Variants in ARHGAP23 observed in about 807,000 individuals in gnomAD.
The protein encoded by ARHGAP23 is Rho GTPase activating protein 23.
Under a neutral mutation model 136.3 loss-of-function variants are expected in ARHGAP23, and 34 were observed. That is an observed-to-expected ratio of 0.25 (90% CI 0.19 to 0.33). The LOEUF (loss-of-function observed/expected upper bound fraction) is 0.33. Among genes scored for constraint, ARHGAP23 ranks in the 10% least tolerant of loss-of-function variants. ARHGAP23 has a pLI of 1.00. For synonymous variants in ARHGAP23, 832 were observed against 920.5 expected (o/e 0.90, Z 1.74); for missense variants, 1,808 against 2,139.0 (o/e 0.85, Z 3.05).
intron 20 of ARHGAP23, among the ~76,000 whole-genome samples, chr17:38,495,737 G>A (rs577522787): frequency 1.3e-5 from 2 of 152,180 alleles, no homozygotes; most frequent in Non-Finnish European, 2.9e-5. Context: ...GCTAATATGT[G>A]TCCTTCCAGG....
intron 1 of ARHGAP23, among the ~76,000 whole-genome samples, chr17:38,439,838 G>A (rs1222938110): frequency 1.3e-5 from 2 of 151,250 alleles, no homozygotes; most frequent in African/African-American, 2.4e-5. Flanking sequence ...GCGGTGGCGC[G>A]ATCTTGGCTC....
At position 38,510,464 on chromosome 17, in the gene ARHGAP23, T is replaced by C. The variant is rs1372308977; in HGVS notation, c.3968T>C (p.Leu1323Pro). The C allele has an allele frequency of 5.0e-6, 6 of 1,203,990 alleles. No homozygotes were observed. Among genetic ancestry groups the C allele is most frequent in the Non-Finnish European group, 6.2e-6 (6 of 970,918 alleles). The allele number at this position is 1,203,990 out of a possible 1,614,324, so 74.6% of individuals were successfully genotyped here. Residue 1323 changes from leucine to proline, a missense_variant, in exon 24 of 24, where the codon CTG (leucine) becomes CCG (proline). Physicochemically the swap from Leu to Pro is moderately conservative, Grantham distance 98 (BLOSUM62 -3). This residue lies in a region of ARHGAP23 where 506 missense variants were observed against 455.8 expected (regional missense o/e 1.11). Transcript: ENST00000622683. The surrounding 1 kb of genome is among the most constrained non-coding windows in gnomAD (Gnocchi z 4.6). ...TGCGACACTCTGGCGCGCCGCCGCC[T>C]GGCCCGGGGCCGCCCAGACGGCGAG... ...MPCDTLARRR[L>P]ARGRPDGEGA... is the part of the protein sequence containing the mutation.
chr17:38,471,922 C>T lies in ARHGAP23; in HGVS notation c.2034C>T (p.Thr678=). 1.3e-6 allele frequency: 2 copies of T among 1,549,580 alleles called. No individual in the cohort carries two copies. Among genetic ancestry groups the T allele is most frequent in the Non-Finnish European group, 1.7e-6 (2 of 1,146,784 alleles). ...DADAPSKRHS[T]SDLSDATFSD... ...ACGCTCCTTCTAAGCGACACTCAAC[C>T]TCTGACCTCTCAGATGCGACCTTCA... Residue 678 remains threonine (T), a synonymous_variant, in exon 11 of 24, where the codon ACC becomes ACT. Coordinates refer to ENST00000622683, the MANE Select transcript of ARHGAP23 (RefSeq NM_001199417.2).
At chr17:38,465,834 G>A (rs528134944) in intron 6 of ARHGAP23, among the ~76,000 whole-genome samples, 1 of 152,260 alleles carries the variant, frequency 6.6e-6, no homozygotes, top group South Asian at 2.1e-4. Flanking sequence ...TGGACATAAG[G>A]GGGCAGGCAG....
At chr17:38,509,766 T>C (rs945985103) in intron 23 of ARHGAP23, among the ~76,000 whole-genome samples, 178 bp from the exon 24 acceptor site, 3 of 152,054 alleles carry the variant, frequency 2.0e-5, no homozygotes, top group South Asian at 2.1e-4. Context: ...GGGTAGTCTC[T>C]GGACGGAGGG....
Position 38,467,041 on chromosome 17 carries a change from A to G in ARHGAP23, c.1358A>G (p.Gln453Arg), listed in dbSNP as rs1343046181. 3.2e-6 allele frequency: 5 copies of G among 1,550,798 alleles called. No individual in the cohort carries two copies. In the African/African-American group the frequency reaches 5.5e-5, roughly 17 times the overall value. The change falls in exon 7 of 24, where the codon CAG becomes CGG. Residue 453 changes from glutamine to arginine, a missense_variant. Transcript: ENST00000622683. ...GGGCTGCCTACCTTCAACCTGGCCCAGTCCCCTGCGTCATTCCCACCAGAG... is the reference window on the plus strand; with the variant it reads ...GGGCTGCCTACCTTCAACCTGGCCCGGTCCCCTGCGTCATTCCCACCAGAG... ...FGGLPTFNLA[Q>R]SPASFPPEAS... is the part of the protein sequence containing the mutation.
chr17:38,495,432 C>T (rs1012117767), intron 20 of ARHGAP23, among the ~76,000 whole-genome samples: 12 of 152,020 alleles, frequency 7.9e-5, no homozygotes, highest in African/African-American at 2.9e-4. Flanking sequence ...GGGGTTTCAC[C>T]CTGTTGGCCA....
rs71138627 is a variant in ARHGAP23, at chr17:38,504,978, C to CTTTTTTTTTTTTT, written c.3447+4383_3447+4395dup. ...ATTACTCAGAAGCCTCCCTTATCAT[C>CTTTTTTTTTTTTT]TTTTTTTTTTTTTTTTTTTTTTTTT... On this transcript the variant is annotated intron_variant, in intron 23 of 23. Coordinates refer to ENST00000622683, the MANE Select transcript of ARHGAP23 (RefSeq NM_001199417.2). Among the ~76,000 whole-genome samples, 17 of 43,168 alleles carry CTTTTTTTTTTTTT rather than the reference C, an allele frequency of 3.9e-4. 6 individuals carry two copies. Among genetic ancestry groups the CTTTTTTTTTTTTT allele is most frequent in the Non-Finnish European group, 5.9e-4 (12 of 20,290 alleles). The allele number at this position is 43,168 out of a possible 152,430, so 28.3% of individuals were successfully genotyped here.
At chr17:38,460,374 G>A (rs1483611437) in intron 2 of ARHGAP23, among the ~76,000 whole-genome samples, 7 of 152,098 alleles carry the variant, frequency 4.6e-5, no homozygotes, top group Admixed American at 4.6e-4. Context: ...TTAACTCAGC[G>A]ATTCAGCCCC....
chr17:38,505,877 A>C (rs547041631), intron 23 of ARHGAP23, among the ~76,000 whole-genome samples: 1 of 152,322 alleles, frequency 6.6e-6, no homozygotes, highest in South Asian at 2.1e-4. Flanking sequence ...GCAGTGAGCC[A>C]AGATTGCACC....
chr17:38,468,383 T>C (rs2039663857), intron 7 of ARHGAP23, among the ~76,000 whole-genome samples: 1 of 150,576 alleles, frequency 6.6e-6, no homozygotes, highest in African/African-American at 2.4e-5. Flanking sequence ...GTGTTGGGAG[T>C]GAGAGGGGGA....
chr17:38,508,406 G>C (rs1000627686), intron 23 of ARHGAP23, among the ~76,000 whole-genome samples: 12 of 152,168 alleles, frequency 7.9e-5, no homozygotes, highest in Non-Finnish European at 1.5e-4. Flanking sequence ...TTGGGGTTGG[G>C]GTCAGGGCAG....
At chr17:38,480,912 T>G (rs2040023854) in intron 14 of ARHGAP23, among the ~76,000 whole-genome samples, 1 of 151,916 alleles carries the variant, frequency 6.6e-6, no homozygotes, top group African/African-American at 2.4e-5. Context: ...GCTGGAGGAT[T>G]GCTTGAGGCC....
rs549202716 is a variant in ARHGAP23 at position 38,503,144 on chromosome 17, C to T, written c.3447+2516C>T. On this transcript the variant is annotated intron_variant, in intron 23 of 23. Coordinates refer to ENST00000622683, the MANE Select transcript of ARHGAP23 (RefSeq NM_001199417.2). ...GAGAGACAGAGAGAGAGAGGAAGAG[C>T]TGGGCCCAGAGCCCGTGAAGCAGCA... Among the ~76,000 whole-genome samples the T allele has an allele frequency of 2.6e-5, 4 of 152,328 alleles. No individual in the cohort carries two copies. The South Asian group carries it at 8.3e-4, about 32-fold the overall frequency.
intron 12 of ARHGAP23, among the ~76,000 whole-genome samples, chr17:38,478,476 G>A (rs1298864642): frequency 4.6e-5 from 7 of 151,498 alleles, no homozygotes; most frequent in Admixed American, 2.6e-4. Flanking sequence ...GTGCAGTGGC[G>A]CGATCTCAGC....
At position 38,448,197 on chromosome 17, in the gene ARHGAP23, G is replaced by C. The variant is rs551692600; in HGVS notation, c.64-9905G>C. On this transcript the variant is annotated intron_variant, in intron 1 of 23. Transcript: ENST00000622683. The stretch of plus-strand genomic sequence containing the variant: ...TGGGAGGAACTGGGGCACGTCAAGA[G>C]CCTGTAGGAACCTGAGGCTGGCAGT... Among the ~76,000 whole-genome samples, 5 of 152,290 alleles carry C rather than the reference G, an allele frequency of 3.3e-5. No individual in the cohort carries two copies. In the South Asian group the frequency reaches 8.3e-4, roughly 25 times the overall value.
At chr17:38,428,645 C>A in intron 1 of ARHGAP23, 97 bp downstream of exon 1, 1 of 839,228 alleles carries the variant, frequency 1.2e-6, no homozygotes, top group Non-Finnish European at 1.6e-6. Context: ...CCCTGCACAG[C>A]CTGGGGCGCA....
chr17:38,477,140 G>A lies in ARHGAP23; in HGVS notation c.2119-439G>A, dbSNP rs577435737. Among the ~76,000 whole-genome samples, 4 of 152,198 alleles carry A rather than the reference G, an allele frequency of 2.6e-5. No homozygotes were observed. Among genetic ancestry groups the A allele is most frequent in the South Asian group, 4.2e-4 (2 of 4,818 alleles). On this transcript the variant is annotated intron_variant, in intron 11 of 23. Coordinates refer to ENST00000622683, the MANE Select transcript of ARHGAP23 (RefSeq NM_001199417.2). The surrounding 1 kb of genome is among the most constrained non-coding windows in gnomAD (Gnocchi z 6.6). ...TGGGCAAGTGGAGTCTTGGGTGGGC[G>A]GCAGGAAAGTGGGGAGAACAACCCT...
intron 1 of ARHGAP23, among the ~76,000 whole-genome samples, chr17:38,453,533 CTGCG>C (rs1381445343): frequency 1.3e-5 from 2 of 149,210 alleles, no homozygotes; most frequent in African/African-American, 4.9e-5. Context: ...GGGCTGCCGT[CTGCG>C]TGTGAGGGTG....
Sources: gnomAD v4.1 joint callset for allele counts (sites outside exome capture counted in the v4.1 genomes callset) on GRCh38, gnomAD v4.1.1 for gene constraint, gnomAD v4.1.1 regional missense constraint, Gnocchi (gnomAD v3.1) non-coding constraint, MANE v1.5 for transcripts, NCBI Gene and HGNC (gene_info 2026-07-23, HGNC 2026-07-21) for gene names.